TTLL1: variants seen among roughly 807,000 people sequenced by gnomAD.
TTLL1 encodes polyglutamylase complex subunit TTLL1.
A neutral mutation model predicts 47.8 loss-of-function variants in TTLL1; 33 were observed. The ratio of observed to expected loss-of-function variants is 0.69; its 90% confidence interval spans 0.52 to 0.92. TTLL1 has a LOEUF of 0.92. TTLL1 is among the 40% of genes least tolerant of loss of function. TTLL1 has a pLI of 0.00. For synonymous variants in TTLL1, 225 were observed against 214.1 expected, an observed-to-expected ratio of 1.05 and a Z score of -0.45; for missense variants, 488 against 547.5, an observed-to-expected ratio of 0.89 and a Z score of 1.08.
At chr22:43,060,790 C>T (rs1477919767) in intron 7 of TTLL1, among the ~76,000 whole-genome samples, 4 of 152,204 alleles carry the variant, frequency 2.6e-5, no homozygotes, top group Admixed American at 2.6e-4. Context: ...TAGGAGACTA[C>T]ATTTCATTTT....
intron 1 of TTLL1, among the ~76,000 whole-genome samples, chr22:43,085,137 C>T (rs1379505806): frequency 1.3e-5 from 2 of 151,730 alleles, no homozygotes; most frequent in Non-Finnish European, 2.9e-5. Flanking sequence ...CCACCATGCC[C>T]GGCTAATTTT....
intron 3 of TTLL1, chr22:43,070,107 A>G: frequency 7.4e-7 from 1 of 1,356,328 alleles, no homozygotes; most frequent in Non-Finnish European, 1.0e-6. Flanking sequence ...GGCACTCAAT[A>G]GATGTTTATT....
intron 1 of TTLL1, among the ~76,000 whole-genome samples, chr22:43,085,423 G>A (rs1423225198): frequency 6.6e-6 from 1 of 152,210 alleles, no homozygotes; most frequent in Non-Finnish European, 1.5e-5. Flanking sequence ...AACTTGACTT[G>A]TAATAATCCC....
At position 43,039,769 on chromosome 22, in the gene TTLL1, G is replaced by T. The variant is rs1252127617; in HGVS notation, c.*7C>A. Reference sequence around the variant, plus strand: ...AGTGAGTAGTTTTGATAAGGTCCAGGTGGGACTCACTTCCAGGTGGTGAGG... The same window carrying T: ...AGTGAGTAGTTTTGATAAGGTCCAGTTGGGACTCACTTCCAGGTGGTGAGG... On this transcript the variant is annotated 3_prime_UTR_variant, in exon 11 of 11. Coordinates refer to ENST00000266254, the MANE Select transcript of TTLL1 (RefSeq NM_012263.5). 6.2e-7 allele frequency: 1 copy of T among 1,608,134 alleles called. No homozygotes were observed. Among genetic ancestry groups the T allele is most frequent in the Non-Finnish European group, 8.5e-7 (1 of 1,176,094 alleles).
At position 43,051,804 on chromosome 22, in the gene TTLL1, G is replaced by A. The variant is rs150946969; in HGVS notation, c.975C>T (p.Ile325=). The change falls in exon 9 of 11, where the codon ATC becomes ATT. Residue 325 remains isoleucine (I), a synonymous_variant. Transcript: ENST00000266254. The stretch of plus-strand genomic sequence containing the variant: ...GTGCAGGTGCTCCCGCAGTTACCTC[G>A]ATCAGCCAGGGCTTCAGCTTGTCGT... The part of the protein sequence containing the change: ...IIDDKLKPWL[I]EVNASPSLTS... 2.4e-5 allele frequency: 38 copies of A among 1,613,844 alleles called. No individual in the cohort carries two copies. The highest frequency in any genetic ancestry group is 2.1e-4 in the African/African-American group (16 of 74,862).
chr22:43,051,595 G>A (rs2146965310), intron 9 of TTLL1, among the ~76,000 whole-genome samples: 1 of 152,250 alleles, frequency 6.6e-6, no homozygotes, highest in Middle Eastern at 3.4e-3. Flanking sequence ...ACAGCTCCCT[G>A]TCGTGGGCTG....
chr22:43,068,599 C>A lies in TTLL1; in HGVS notation c.323-9G>T. On this transcript the variant is annotated splice_polypyrimidine_tract_variant and intron_variant, in intron 4 of 10. Transcript: ENST00000266254. The stretch of plus-strand genomic sequence containing the variant: ...GGTGACTGGAACAAAGTCTGCAAGG[C>A]AAAGACACCCAGCACTGGTAAGCAG... The A allele has an allele frequency of 6.8e-7, 1 of 1,467,112 alleles. No homozygotes were observed. Among genetic ancestry groups the A allele is most frequent in the South Asian group, 1.5e-5 (1 of 68,964 alleles). The allele number at this position is 1,467,112 out of a possible 1,614,324, so 90.9% of individuals were successfully genotyped here.
intron 9 of TTLL1, 62 bp downstream of exon 9, chr22:43,051,739 G>A (rs1926638092): frequency 2.0e-6 from 3 of 1,524,312 alleles, no homozygotes; most frequent in Middle Eastern, 3.4e-4. Context: ...GGCCCGAATC[G>A]GGGCAGAAGT....
At chr22:43,078,564 G>A (rs908710161) in intron 2 of TTLL1, among the ~76,000 whole-genome samples, 1 of 151,930 alleles carries the variant, frequency 6.6e-6, no homozygotes, top group African/African-American at 2.4e-5. Flanking sequence ...AGGGAGTCCG[G>A]GTGCCCTGAT....
Position 43,069,664 on chromosome 22 carries a change from T to A in TTLL1, c.294A>T (p.Lys98Asn). The change falls in exon 4 of 11, where the codon AAA (lysine) becomes AAT (asparagine). Residue 98 changes from lysine (K) to asparagine (N), a missense_variant. By Grantham distance (94) the Lys-to-Asn change is moderately conservative. Coordinates refer to ENST00000266254, the MANE Select transcript of TTLL1 (RefSeq NM_012263.5). ...LEKEGSPLAE[K>N]DENGKYLYLD... ...GATAGAGGTATTTTCCATTTTCATCTTTTTCTGCCAGAGGACTCCCTTCTT... is the reference window on the plus strand; with the variant it reads ...GATAGAGGTATTTTCCATTTTCATCATTTTCTGCCAGAGGACTCCCTTCTT... The A allele has an allele frequency of 6.2e-7, 1 of 1,614,232 alleles. No individual in the cohort carries two copies. Among genetic ancestry groups the A allele is most frequent in the Non-Finnish European group, 8.5e-7 (1 of 1,180,036 alleles).
chr22:43,071,250 C>T (rs1601691389), intron 3 of TTLL1, among the ~76,000 whole-genome samples: 1 of 152,002 alleles, frequency 6.6e-6, no homozygotes, highest in South Asian at 2.1e-4. Context: ...ACAAGCTTCC[C>T]TTCATCAACA....
intron 2 of TTLL1, 140 bp from the exon 3 acceptor site, chr22:43,075,730 T>C (rs1928445075): frequency 2.7e-6 from 2 of 737,370 alleles, no homozygotes; most frequent in East Asian, 5.1e-5. Flanking sequence ...TGATTCCATC[T>C]CCCAGGGGAC....
chr22:43,042,371 A>G (rs1262138898), intron 10 of TTLL1, among the ~76,000 whole-genome samples: 1 of 152,236 alleles, frequency 6.6e-6, no homozygotes, highest in Non-Finnish European at 1.5e-5. Context: ...GAGCCAACGC[A>G]GAGGAGAATC....
In TTLL1 at chr22:43,071,235, T is replaced by C. The variant is rs986560534; in HGVS notation, c.114-1391A>G. On this transcript the variant is annotated intron_variant, in intron 3 of 10. Transcript: ENST00000266254. The stretch of plus-strand genomic sequence containing the variant: ...CTTGGCAACGGCAGGAATACTTCTA[T>C]AGGGACAAGCTTCCCTTCATCAACA... 7.2e-5 allele frequency among the ~76,000 whole-genome samples: 11 copies of C among 151,984 alleles called. 2 individuals carry two copies. The highest frequency in any genetic ancestry group is 9.6e-5 in the African/African-American group (4 of 41,470).
chr22:43,081,523 A>AC (rs1928885543), intron 1 of TTLL1, among the ~76,000 whole-genome samples: 1 of 149,374 alleles, frequency 6.7e-6, no homozygotes, highest in Non-Finnish European at 1.5e-5. Context: ...ATCCCCACAC[A>AC]CCCCTTCCAT....
chr22:43,042,762 G>A (rs1284672163), intron 10 of TTLL1, among the ~76,000 whole-genome samples: 2 of 152,122 alleles, frequency 1.3e-5, no homozygotes, highest in Admixed American at 1.3e-4. Context: ...TCTTTGATCA[G>A]CTGAATGCCT....
chr22:43,045,879 CAT>C (rs988996741), intron 10 of TTLL1, among the ~76,000 whole-genome samples: 4 of 152,162 alleles, frequency 2.6e-5, no homozygotes, highest in Admixed American at 6.6e-5. Context: ...GTGCACCACA[CAT>C]ATGTTTTGAG....
intron 5 of TTLL1, among the ~76,000 whole-genome samples, chr22:43,067,305 G>C (rs1019404661): frequency 6.6e-6 from 1 of 152,216 alleles, no homozygotes; most frequent in South Asian, 2.1e-4. Context: ...CCCCATGGCA[G>C]TGGTGCTGCT....
chr22:43,070,884 A>G (rs555652794), intron 3 of TTLL1, among the ~76,000 whole-genome samples: 62 of 152,270 alleles, frequency 4.1e-4, no homozygotes, highest in African/African-American at 1.5e-3. Context: ...TATAATTATC[A>G]GAACTAAAAA....
Sources: allele counts gnomAD v4.1 joint callset (sites outside exome capture counted in the v4.1 genomes callset), GRCh38; gene constraint gnomAD v4.1.1; transcripts MANE v1.5; gene names NCBI Gene and HGNC (gene_info 2026-07-23, HGNC 2026-07-21).